GPC4: variants seen among roughly 807,000 people sequenced by gnomAD.
The protein encoded by GPC4 is glypican-4.
A neutral mutation model predicts 35.0 loss-of-function variants in GPC4; 10 were observed. The ratio of observed to expected loss-of-function variants is 0.29; its 90% CI spans 0.18 to 0.48. GPC4 has a LOEUF of 0.48. GPC4 is among the 20% of genes least tolerant of loss of function. The pLI is 0.99. For missense variants in GPC4, 322 were observed against 451.3 expected (o/e 0.71, Z 2.60); for synonymous variants, 167 against 170.2 (o/e 0.98, Z 0.15).
chrX:133,341,190 T>TA (rs1313175982), intron 1 of GPC4, among the ~76,000 whole-genome samples: 1 of 111,713 alleles, frequency 9.0e-6, no homozygotes, highest in East Asian at 2.8e-4. Context: ...GGACACATAA[T>TA]TAACACAGAA....
chrX:133,396,767 C>G (rs1440862251), intron 1 of GPC4, among the ~76,000 whole-genome samples: 5 of 111,988 alleles, frequency 4.5e-5, no homozygotes, highest in Non-Finnish European at 9.4e-5. Context: ...TTATCACTTT[C>G]AAACACAAAG....
At chrX:133,390,493 G>A (rs1028000431) in intron 1 of GPC4, among the ~76,000 whole-genome samples, 3 of 111,615 alleles carry the variant, frequency 2.7e-5, no homozygotes, top group Non-Finnish European at 5.6e-5. Context: ...TAACGCTATA[G>A]TTCCAAAGAG....
chrX:133,343,618 T>C (rs1244022811), intron 1 of GPC4, among the ~76,000 whole-genome samples: 1 of 111,223 alleles, frequency 9.0e-6, no homozygotes, highest in Non-Finnish European at 1.9e-5. Context: ...TGGCCCTCAA[T>C]AGAAAAAAGG....
Position 133,327,187 on chromosome X carries a change from C to T in GPC4, c.320-2651G>A, listed in dbSNP as rs2068397926. 2.7e-5 allele frequency among the ~76,000 whole-genome samples: 3 copies of T among 111,925 alleles called. No individual in the cohort carries two copies. In the South Asian group the frequency reaches 1.1e-3, roughly 42 times the overall value. ...TGCTCATAAAATTGGCACATATCAG[C>T]AGAAATTGGACATTCAGAATTATTT... On this transcript the variant is annotated intron_variant, in intron 2 of 8. Transcript: ENST00000370828.
chrX:133,339,066 A>T, intron 2 of GPC4, 117 bp downstream of exon 2: 1 of 692,376 alleles, frequency 1.4e-6, no homozygotes, highest in South Asian at 3.0e-5. Flanking sequence ...CGTCTCTGGT[A>T]TCCAACAAGG....
At chrX:133,406,686 T>C (rs1266056732) in intron 1 of GPC4, among the ~76,000 whole-genome samples, 3 of 96,798 alleles carry the variant, frequency 3.1e-5, no homozygotes, top group South Asian at 5.3e-4. Context: ...GAGGCGGAGG[T>C]TGCAGTGAGT....
intron 1 of GPC4, among the ~76,000 whole-genome samples, chrX:133,396,625 T>A (rs1200780185): frequency 8.9e-6 from 1 of 111,834 alleles, no homozygotes; most frequent in Admixed American, 9.6e-5. Context: ...GAAAAACAAA[T>A]ATCCTGTCCT....
rs200729281 is a variant in GPC4, at chrX:133,354,540, TTTTATTTA to T, written c.161-15207_161-15200del. Among the ~76,000 whole-genome samples the T allele has an allele frequency of 3.1e-5, 3 of 95,643 alleles. No individual in the cohort carries two copies. In the South Asian group the frequency reaches 1.6e-3, roughly 50 times the overall value. 83.1% of individuals were successfully genotyped at this position (95,643 alleles called of 115,157 possible). A position where few individuals can be genotyped will look rare whatever the true frequency, so the allele number is the denominator to read the frequency against. On this transcript the variant is annotated intron_variant, in intron 1 of 8. Transcript: ENST00000370828. ...GGATCATAAACCATGCAAGGTCATG[TTTTATTTA>T]TTTATTTATTTATTTATTTATTTTT... is the stretch of plus-strand genomic sequence containing the variant.
chrX:133,363,195 C>G (rs181936069), intron 1 of GPC4, among the ~76,000 whole-genome samples: 170 of 110,781 alleles, frequency 1.5e-3, no homozygotes, highest in Non-Finnish European at 2.2e-3. Flanking sequence ...CTTTTGTTTT[C>G]TTTTGTTTTG....
intron 1 of GPC4, among the ~76,000 whole-genome samples, chrX:133,400,348 G>A (rs2068763336): frequency 8.9e-6 from 1 of 112,323 alleles, no homozygotes; most frequent in Admixed American, 9.4e-5. Flanking sequence ...GGCCCATAAT[G>A]TTCAAGAAAA....
intron 1 of GPC4, among the ~76,000 whole-genome samples, chrX:133,407,898 A>G (rs1309163684): frequency 8.9e-6 from 1 of 112,525 alleles, no homozygotes; most frequent in Admixed American, 9.4e-5. Context: ...TGGGCTTCCA[A>G]TAAGATGTTT....
chrX:133,354,655 G>A (rs971602891), intron 1 of GPC4, among the ~76,000 whole-genome samples: 3 of 105,957 alleles, frequency 2.8e-5, no homozygotes, highest in Non-Finnish European at 5.8e-5. Flanking sequence ...TGCAAGCTCC[G>A]CTTCCCGGGT....
At chrX:133,312,620 C>A (rs2068320210) in intron 3 of GPC4, among the ~76,000 whole-genome samples, 1 of 105,358 alleles carries the variant, frequency 9.5e-6, no homozygotes, top group Non-Finnish European at 1.9e-5. Flanking sequence ...CAGAGTGAGA[C>A]TCTGTCTCAA....
At chrX:133,374,179 G>A (rs992517209) in intron 1 of GPC4, among the ~76,000 whole-genome samples, 1 of 111,496 alleles carries the variant, frequency 9.0e-6, no homozygotes, top group African/African-American at 3.3e-5. Flanking sequence ...CAAGTGTTTG[G>A]CAACGTGGGG....
chrX:133,407,518 T>C (rs1774394316), intron 1 of GPC4, among the ~76,000 whole-genome samples: 1 of 112,106 alleles, frequency 8.9e-6, no homozygotes, highest in African/African-American at 3.2e-5. Flanking sequence ...TGTATCCTCA[T>C]GCTTTTTTTT....
At chrX:133,315,598 A>T (rs2068334719) in intron 3 of GPC4, among the ~76,000 whole-genome samples, 1 of 111,138 alleles carries the variant, frequency 9.0e-6, no homozygotes, top group Non-Finnish European at 1.9e-5. Flanking sequence ...TCCAAAACTT[A>T]TTTGCTGAAG....
chrX:133,301,083 C>T lies in GPC4; in HGVS notation c.*1784G>A, dbSNP rs2068265591. 8.9e-6 allele frequency: 1 copy of T among 112,224 alleles called. No homozygotes were observed. Among genetic ancestry groups the T allele is most frequent in the Admixed American group, 9.5e-5 (1 of 10,520 alleles). The allele number at this position is 112,224 out of a possible 1,213,427, so 9.2% of individuals were successfully genotyped here. A position where few individuals can be genotyped will look rare whatever the true frequency, so the allele number is the denominator to read the frequency against. The stretch of plus-strand genomic sequence containing the variant: ...TCATGCTTTAATAAATAACTGGCTA[C>T]TTCTAATAAAATTAAGCCTCTGTTT... On this transcript the variant is annotated 3_prime_UTR_variant, in exon 9 of 9. Coordinates refer to ENST00000370828, the MANE Select transcript of GPC4 (RefSeq NM_001448.3).
chrX:133,350,360 A>C (rs1432897079), intron 1 of GPC4, among the ~76,000 whole-genome samples: 1 of 110,406 alleles, frequency 9.1e-6, no homozygotes, highest in Non-Finnish European at 1.9e-5. Flanking sequence ...GTGTCTCTAC[A>C]AAAAATTTAA....
chrX:133,323,683 A>G (rs1445402173), intron 3 of GPC4, among the ~76,000 whole-genome samples: 1 of 112,097 alleles, frequency 8.9e-6, no homozygotes, highest in Non-Finnish European at 1.9e-5. Context: ...CTCTGAGTAC[A>G]CTTTCTAACA....
Sources: gnomAD v4.1 joint callset for allele counts (sites outside exome capture counted in the v4.1 genomes callset) on GRCh38, gnomAD v4.1.1 for gene constraint, MANE v1.5 for transcripts, NCBI Gene and HGNC (gene_info 2026-07-23, HGNC 2026-07-21) for gene names.